Variants in DPP10 observed in about 807,000 individuals in gnomAD.
DPP10 encodes the protein dipeptidyl peptidase like 10, also known as inactive dipeptidyl peptidase 10.
DPP10 carries 33 observed loss-of-function variants against 120.9 expected under a neutral mutation model. That is an observed-to-expected ratio of 0.27 (90% CI 0.21 to 0.37). The LOEUF is 0.37. Ranked by LOEUF, DPP10 falls within the 10% of genes least tolerant of loss-of-function variation. The pLI is 1.00. For missense variants in DPP10, 816 were observed against 942.8 expected, an observed-to-expected ratio of 0.87 and a Z score of 1.76; for synonymous variants, 337 against 326.1, an observed-to-expected ratio of 1.03 and a Z score of -0.36.
chr2:115,406,198 G>T (rs2068498196), intron 3 of DPP10, among the ~76,000 whole-genome samples: 1 of 152,196 alleles, frequency 6.6e-6, no homozygotes, highest in Admixed American at 6.6e-5. Flanking sequence ...GACACAATAT[G>T]ATCAAGTTCT....
At chr2:114,839,853 G>T (rs1688017725) in intron 1 of DPP10, among the ~76,000 whole-genome samples, 1 of 152,120 alleles carries the variant, frequency 6.6e-6, no homozygotes, top group Admixed American at 6.6e-5. Context: ...AAGACTCAGA[G>T]AATATACAAG....
At chr2:115,722,332 C>G (rs1436204798) in intron 7 of DPP10, among the ~76,000 whole-genome samples, 1 of 151,654 alleles carries the variant, frequency 6.6e-6, no homozygotes, top group Non-Finnish European at 1.5e-5. Context: ...CACTTCTGTA[C>G]CCCACTGTAC....
At chr2:115,204,132 A>AT (rs5833582) in intron 1 of DPP10, among the ~76,000 whole-genome samples, 152,226 of 152,230 alleles carry the variant, frequency 1, 76,111 homozygotes, top group Non-Finnish European at 1. Flanking sequence ...AATTAGTGAA[A>AT]TGTCTTCTAC....
At chr2:114,924,797 AC>A (rs978416076) in intron 1 of DPP10, among the ~76,000 whole-genome samples, 3 of 152,196 alleles carry the variant, frequency 2.0e-5, no homozygotes, top group African/African-American at 7.2e-5. Flanking sequence ...AGACAAAAAA[AC>A]AAAAAACAAA....
intron 1 of DPP10, among the ~76,000 whole-genome samples, chr2:114,973,444 G>A (rs971928059): frequency 2.6e-5 from 4 of 151,670 alleles, no homozygotes; most frequent in Non-Finnish European, 5.9e-5. Context: ...GGTGGATCAC[G>A]AGGTCAGGAG....
intron 1 of DPP10, among the ~76,000 whole-genome samples, chr2:114,834,326 C>CGCACCTATGTATATATAAGCCATGTCTAT (rs1687433205): frequency 6.7e-6 from 1 of 149,042 alleles, no homozygotes; most frequent in African/African-American, 2.6e-5. Flanking sequence ...GCCATGTCTA[C>CGCACCTATGTATATATAAGCCATGTCTAT]ACACCTATGT....
At position 115,169,455 on chromosome 2, in the gene DPP10, ATATT is replaced by A. The variant is rs1394740741; in HGVS notation, c.61-139780_61-139777del. On this transcript the variant is annotated intron_variant, in intron 1 of 25. Transcript: ENST00000410059. ...ACACACTATACACACACATATATAT[ATATT>A]TATGATCTAAATGCTATGGATCTTT... is the stretch of plus-strand genomic sequence containing the variant. 2.0e-5 allele frequency among the ~76,000 whole-genome samples: 3 copies of A among 152,124 alleles called. No individual in the cohort carries two copies. In the East Asian group the frequency reaches 5.8e-4, roughly 29 times the overall value.
At chr2:115,789,607 A>G (rs544019142) in intron 17 of DPP10, among the ~76,000 whole-genome samples, 11 of 152,342 alleles carry the variant, frequency 7.2e-5, no homozygotes, top group African/African-American at 2.6e-4. Flanking sequence ...ATTGTGGTAG[A>G]GGACTTAGCC....
At chr2:115,216,369 AT>A (rs1254169313) in intron 1 of DPP10, among the ~76,000 whole-genome samples, 4 of 152,316 alleles carry the variant, frequency 2.6e-5, no homozygotes, top group Non-Finnish European at 5.9e-5. Context: ...ACATGGAAAA[AT>A]TTGAATCTCC....
At chr2:115,362,272 T>C (rs1265546374) in intron 3 of DPP10, among the ~76,000 whole-genome samples, 3 of 152,216 alleles carry the variant, frequency 2.0e-5, no homozygotes, top group Non-Finnish European at 4.4e-5. Flanking sequence ...TGGTAAGTTA[T>C]GTTTTGTAAG....
chr2:115,105,375 G>A (rs904138856), intron 1 of DPP10, among the ~76,000 whole-genome samples: 1 of 151,840 alleles, frequency 6.6e-6, no homozygotes, highest in African/African-American at 2.4e-5. Flanking sequence ...GCTTCAAGGA[G>A]CTTACACTCA....
chr2:114,580,221 C>T (rs1690386867), intron 1 of DPP10, among the ~76,000 whole-genome samples: 1 of 152,188 alleles, frequency 6.6e-6, no homozygotes, highest in Non-Finnish European at 1.5e-5. Flanking sequence ...CACACTTCCC[C>T]AGGCATTCGG....
chr2:115,603,166 GTGTA>G (rs1159572073), intron 5 of DPP10, among the ~76,000 whole-genome samples: 58 of 131,298 alleles, frequency 4.4e-4, no homozygotes, highest in African/African-American at 1.6e-3. Flanking sequence ...GTGTGTGTGT[GTGTA>G]TAGTCATCTG....
chr2:115,749,586 T>C (rs1678440068), intron 10 of DPP10, among the ~76,000 whole-genome samples: 1 of 152,118 alleles, frequency 6.6e-6, no homozygotes, highest in South Asian at 2.1e-4. Flanking sequence ...TCCAAGAAAA[T>C]CTAATTAATA....
At chr2:114,531,624 A>G (rs1685995117) in intron 1 of DPP10, among the ~76,000 whole-genome samples, 1 of 136,020 alleles carries the variant, frequency 7.4e-6, no homozygotes, top group African/African-American at 2.5e-5. Flanking sequence ...ACCTATACAC[A>G]CATATCTCCT....
intron 10 of DPP10, among the ~76,000 whole-genome samples, chr2:115,749,030 A>G (rs1398528411): frequency 6.6e-6 from 1 of 152,186 alleles, no homozygotes; most frequent in Non-Finnish European, 1.5e-5. Context: ...AGAATGTAGC[A>G]TGGTAGGAAC....
chr2:115,835,344 A>G (rs1689369734), intron 21 of DPP10, among the ~76,000 whole-genome samples: 1 of 152,176 alleles, frequency 6.6e-6, no homozygotes, highest in African/African-American at 2.4e-5. Flanking sequence ...CAGGAAAAGC[A>G]AAACACAAGC....
At chr2:114,705,997 G>C (rs1700663573) in intron 1 of DPP10, among the ~76,000 whole-genome samples, 1 of 152,314 alleles carries the variant, frequency 6.6e-6, no homozygotes. Flanking sequence ...CAGGAGGAGA[G>C]AGTGTCATTG....
intron 1 of DPP10, among the ~76,000 whole-genome samples, chr2:115,030,493 A>T (rs566626858): frequency 2.0e-5 from 3 of 152,120 alleles, no homozygotes; most frequent in African/African-American, 7.2e-5. Context: ...CCCAACTTTT[A>T]TTTTAAGTTC....
Sources: allele counts gnomAD v4.1 joint callset (sites outside exome capture counted in the v4.1 genomes callset), GRCh38; gene constraint gnomAD v4.1.1; transcripts MANE v1.5; gene names NCBI Gene and HGNC (gene_info 2026-07-23, HGNC 2026-07-21).